ANKRD28: variants seen among roughly 807,000 people sequenced by gnomAD.
The protein encoded by ANKRD28 is serine/threonine-protein phosphatase 6 regulatory ankyrin repeat subunit A.
ANKRD28 carries 44 observed loss-of-function variants against 126.5 expected under a neutral mutation model. That is an observed-to-expected ratio of 0.35 (90% CI 0.27 to 0.45). ANKRD28 has a LOEUF of 0.45. Among genes scored for constraint, ANKRD28 ranks in the 20% least tolerant of loss-of-function variants. The pLI is 1.00. For missense variants in ANKRD28, 1,110 were observed against 1,316.6 expected, an observed-to-expected ratio of 0.84 and a Z score of 2.43; for synonymous variants, 442 against 468.5, an observed-to-expected ratio of 0.94 and a Z score of 0.73.
chr3:15,847,225 A>G (rs1171886455), intron 1 of ANKRD28, among the ~76,000 whole-genome samples: 1 of 152,244 alleles, frequency 6.6e-6, no homozygotes, highest in African/African-American at 2.4e-5. Context: ...GAAAAATTTA[A>G]AAGAATGTAC....
chr3:15,702,447 A>G (rs1352182709), intron 14 of ANKRD28, among the ~76,000 whole-genome samples: 1 of 152,232 alleles, frequency 6.6e-6, no homozygotes, highest in African/African-American at 2.4e-5. Context: ...AAGATTCTCC[A>G]TAATCTGTCC....
chr3:15,692,063 C>G lies in ANKRD28; in HGVS notation c.1762-1843G>C, dbSNP rs141934878. On this transcript the variant is annotated intron_variant, in intron 17 of 27. Coordinates refer to ENST00000683139, the MANE Select transcript of ANKRD28 (RefSeq NM_001349278.2). The stretch of plus-strand genomic sequence containing the variant: ...GCTGAGGCGGAAGTATCACTTGAGT[C>G]TAGGAGGTACAGGCTGCAGTGAGCT... Among the ~76,000 whole-genome samples, 197 of 149,560 alleles carry G rather than the reference C, an allele frequency of 1.3e-3. 1 individual carries two copies. The highest frequency in any genetic ancestry group is 4.7e-3 in the African/African-American group (193 of 40,792).
At chr3:15,701,154 AAT>A (rs1406183518) in intron 14 of ANKRD28, among the ~76,000 whole-genome samples, 3 of 152,202 alleles carry the variant, frequency 2.0e-5, no homozygotes, top group Non-Finnish European at 4.4e-5. Context: ...CTAGCTCACA[AAT>A]ATATGAGAGC....
chr3:15,806,294 A>G (rs1254148287), intron 1 of ANKRD28, among the ~76,000 whole-genome samples: 1 of 152,226 alleles, frequency 6.6e-6, no homozygotes, highest in Non-Finnish European at 1.5e-5. Context: ...AGAGGCCCCT[A>G]TAAGAATTGA....
chr3:15,847,742 C>A (rs956571216), intron 1 of ANKRD28, among the ~76,000 whole-genome samples: 1 of 152,202 alleles, frequency 6.6e-6, no homozygotes, highest in Admixed American at 6.5e-5. Flanking sequence ...TAGGTAAAAA[C>A]CACTTTTCAA....
At chr3:15,737,755 T>G (rs1228570633) in intron 4 of ANKRD28, among the ~76,000 whole-genome samples, 2 of 152,046 alleles carry the variant, frequency 1.3e-5, no homozygotes, top group East Asian at 1.9e-4. Flanking sequence ...CATGAGCCAG[T>G]CATAGAGCCA....
intron 4 of ANKRD28, among the ~76,000 whole-genome samples, chr3:15,743,759 G>A (rs548043063): frequency 6.6e-6 from 1 of 152,198 alleles, no homozygotes; most frequent in African/African-American, 2.4e-5. Context: ...GAGGTGGTGT[G>A]GAAACTATGT....
rs1274244733 is a variant in ANKRD28 at position 15,816,280 on chromosome 3, T to G, written c.28-20974A>C. ...CCTAGCCTCCTACCTCCACAAATAT[T>G]TACTCAATAATTGTTTGTTAATAAC... On this transcript the variant is annotated intron_variant, in intron 1 of 27. Coordinates refer to the ANKRD28 transcript ENST00000399451. The surrounding 1 kb of genome is among the most constrained non-coding windows in gnomAD (Gnocchi z 5.0). Among the ~76,000 whole-genome samples, 1 of 152,168 alleles carries G rather than the reference T, an allele frequency of 6.6e-6. No individual in the cohort carries two copies. Among genetic ancestry groups the G allele is most frequent in the Non-Finnish European group, 1.5e-5 (1 of 68,004 alleles).
At chr3:15,735,177 A>G (rs2654649) in intron 6 of ANKRD28, among the ~76,000 whole-genome samples, 95,392 of 151,814 alleles carry the variant, frequency 0.63, 31,387 homozygotes, top group East Asian at 0.91. Context: ...TGTCTGGGAC[A>G]TCTCTTTTTT....
At chr3:15,809,879 A>G (rs2060671939) in intron 1 of ANKRD28, among the ~76,000 whole-genome samples, 1 of 152,180 alleles carries the variant, frequency 6.6e-6, no homozygotes, top group South Asian at 2.1e-4. Flanking sequence ...CACATATATC[A>G]ATGTGCTTGT....
At chr3:15,702,232 T>C (rs914472083) in intron 14 of ANKRD28, among the ~76,000 whole-genome samples, 1 of 152,210 alleles carries the variant, frequency 6.6e-6, no homozygotes, top group Admixed American at 6.5e-5. Flanking sequence ...CATTGTTCTA[T>C]GTTCCCACAA....
chr3:15,678,486 A>G, intron 23 of ANKRD28, 132 bp from the exon 24 acceptor site: 1 of 708,918 alleles, frequency 1.4e-6, no homozygotes, highest in African/African-American at 1.8e-5. Flanking sequence ...CCTGTACACA[A>G]ACAAATAGGC....
chr3:15,700,773 A>G (rs892511684), intron 14 of ANKRD28, among the ~76,000 whole-genome samples: 23 of 152,206 alleles, frequency 1.5e-4, no homozygotes, highest in African/African-American at 5.5e-4. Context: ...ACTGCAAAAG[A>G]AACACAACAG....
In ANKRD28 at chr3:15,713,516, T is replaced by C. The variant is rs1183212057; in HGVS notation, c.1190+11A>G. On this transcript the variant is annotated intron_variant, in intron 10 of 27. Coordinates refer to ENST00000683139, the MANE Select transcript of ANKRD28 (RefSeq NM_001349278.2). ...CCTGTATCAGTTATCAACACCTCGGTAAGTACTTACTTTGCAGTGTCAGCA... is the reference window on the plus strand; with the variant it reads ...CCTGTATCAGTTATCAACACCTCGGCAAGTACTTACTTTGCAGTGTCAGCA... The C allele has an allele frequency of 8.7e-6, 14 of 1,604,114 alleles. No individual in the cohort carries two copies. The highest frequency in any genetic ancestry group is 1.2e-5 in the Non-Finnish European group (14 of 1,174,652).
At chr3:15,782,212 CAG>C (rs2059571642) in intron 2 of ANKRD28, among the ~76,000 whole-genome samples, 1 of 151,944 alleles carries the variant, frequency 6.6e-6, no homozygotes, top group Non-Finnish European at 1.5e-5. Flanking sequence ...TCACAGAGAA[CAG>C]AGTGTTCTGT....
intron 8 of ANKRD28, among the ~76,000 whole-genome samples, chr3:15,719,294 ATC>A (rs2124873800): frequency 6.6e-6 from 1 of 152,252 alleles, no homozygotes; most frequent in Admixed American, 6.5e-5. Flanking sequence ...AGGTGAGAAA[ATC>A]TCATGTAATC....
upstream of ANKRD28, chr3:15,798,084 A>G: frequency 1.0e-6 from 1 of 985,388 alleles, no homozygotes; most frequent in South Asian, 4.7e-5. Flanking sequence ...ACTAATCCAA[A>G]TCAAACTAAA....
chr3:15,858,310 C>G (rs1198597633), intron 1 of ANKRD28, among the ~76,000 whole-genome samples: 3 of 152,210 alleles, frequency 2.0e-5, no homozygotes. Context: ...CTGATGTTAA[C>G]ACCAGGCAAG....
intron 2 of ANKRD28, among the ~76,000 whole-genome samples, chr3:15,784,526 ATCCT>A (rs2059684221): frequency 1.3e-5 from 2 of 152,004 alleles, no homozygotes; most frequent in African/African-American, 4.8e-5. Flanking sequence ...TATAACTGAT[ATCCT>A]AAGAAAGGAG....
Sources: gnomAD v4.1 joint callset for allele counts (sites outside exome capture counted in the v4.1 genomes callset) on GRCh38, gnomAD v4.1.1 for gene constraint, Gnocchi (gnomAD v3.1) non-coding constraint, MANE v1.5 for transcripts, NCBI Gene and HGNC (gene_info 2026-07-23, HGNC 2026-07-21) for gene names.